REST: variants seen among roughly 807,000 people sequenced by gnomAD.
REST encodes the protein RE1 silencing transcription factor.
Under a neutral mutation model 30.4 loss-of-function variants are expected in REST, and 1 was observed. That is an observed-to-expected ratio of 0.03 (90% CI 0.01 to 0.16). The LOEUF (loss-of-function observed/expected upper bound fraction) is 0.16. Among genes scored for constraint, REST ranks in the 10% least tolerant of loss-of-function variants. REST has a pLI of 1.00. For synonymous variants in REST, 504 were observed against 451.1 expected (o/e 1.12, Z -1.49); for missense variants, 1,259 against 1,329.5 (o/e 0.95, Z 0.82).
intron 3 of REST, among the ~76,000 whole-genome samples, chr4:56,924,693 G>A (rs1043246056): frequency 6.6e-6 from 1 of 151,714 alleles, no homozygotes; most frequent in African/African-American, 2.4e-5. Flanking sequence ...GAACTCCTGG[G>A]CTCAAGCGAT....
chr4:56,908,602 C>A (rs958677179), intron 1 of REST, among the ~76,000 whole-genome samples: 3 of 152,082 alleles, frequency 2.0e-5, no homozygotes, highest in Non-Finnish European at 4.4e-5. Context: ...CCCCCGGGTC[C>A]CACCGCAGCC....
intron 3 of REST, among the ~76,000 whole-genome samples, chr4:56,921,607 G>A (rs1464870910): frequency 2.6e-5 from 4 of 151,702 alleles, no homozygotes; most frequent in East Asian, 2.0e-4. Flanking sequence ...ATGGGGTTTC[G>A]CCATGTTGGT....
At chr4:56,913,978 C>T (rs1379811021) in intron 2 of REST, among the ~76,000 whole-genome samples, 1 of 150,796 alleles carries the variant, frequency 6.6e-6, no homozygotes, top group Non-Finnish European at 1.5e-5. Context: ...CTTTGTCACC[C>T]ATCCTGGAGT....
chr4:56,908,898 T>C (rs6835138), intron 1 of REST: 105,732 of 151,202 alleles, frequency 0.7, 37,194 homozygotes, highest in African/African-American at 0.78. Flanking sequence ...GGCTGGCCCG[T>C]GTGGGGGCCC....
At chr4:56,918,981 C>CTTTT (rs1296441743) in intron 2 of REST, among the ~76,000 whole-genome samples, 2 of 148,046 alleles carry the variant, frequency 1.4e-5, no homozygotes, top group African/African-American at 2.5e-5. Flanking sequence ...TCAGCCCAGG[C>CTTTT]TATTTTTTTT....
Position 56,930,145 on chromosome 4 carries a change from A to C in REST, c.1287A>C (p.Lys429Asn). 1 of 1,613,576 alleles carries C rather than the reference A, an allele frequency of 6.2e-7. No individual in the cohort carries two copies. The highest frequency in any genetic ancestry group is 8.5e-7 in the Non-Finnish European group (1 of 1,179,918). Residue 429 changes from lysine (K) to asparagine (N), a missense_variant, in exon 4 of 4, where the codon AAA becomes AAC. Coordinates refer to ENST00000309042, the MANE Select transcript of REST (RefSeq NM_005612.5). ...ATGTCTCAAAAGTGAAACTAAAGAA[A>C]ACCAAAAAACGAGAGGCTGACTTGC... is the stretch of plus-strand genomic sequence containing the variant. ...TMDVSKVKLK[K>N]TKKREADLPD... is the part of the protein sequence containing the mutation.
chr4:56,926,953 A>G (rs1442622104), intron 3 of REST, among the ~76,000 whole-genome samples: 1 of 151,942 alleles, frequency 6.6e-6, no homozygotes, highest in Non-Finnish European at 1.5e-5. Flanking sequence ...AAAATTAGCC[A>G]GGCTTAGTGG....
chr4:56,930,761 G>C lies in REST; in HGVS notation c.1903G>C (p.Glu635Gln). 1 of 1,604,526 alleles carries C rather than the reference G, an allele frequency of 6.2e-7. No individual in the cohort carries two copies. Among genetic ancestry groups the C allele is most frequent in the South Asian group, 1.1e-5 (1 of 89,932 alleles). ...PVQVEPPPPM[E>Q]HAQMEGAQIR... is the part of the protein sequence containing the mutation. ...TCAGGTGGAGCCGCCACCTCCCATG[G>C]AGCATGCTCAGATGGAGGGTGCCCA... The change falls in exon 4 of 4, where the codon GAG becomes CAG. Residue 635 changes from glutamate (E) to glutamine (Q), a missense_variant. Coordinates refer to ENST00000309042, the MANE Select transcript of REST (RefSeq NM_005612.5).
rs529390824 is a variant in REST at position 56,931,784 on chromosome 4, C to A, written c.2926C>A (p.Pro976Thr). 12 of 1,614,074 alleles carry A rather than the reference C, an allele frequency of 7.4e-6. No homozygotes were observed. In the Admixed American group the frequency reaches 8.3e-5, roughly 11 times the overall value. ...VEEPVSPMLP[P>T]SAVEEREAVS... The stretch of plus-strand genomic sequence containing the variant: ...AGAACCAGTTTCACCAATGCTTCCC[C>A]CTTCAGCAGTAGAAGAACGTGAAGC... The change falls in exon 4 of 4, where the codon CCT becomes ACT. Residue 976 changes from proline (P) to threonine (T), a missense_variant. Coordinates refer to ENST00000309042, the MANE Select transcript of REST (RefSeq NM_005612.5).
At position 56,931,900 on chromosome 4, in the gene REST, T is replaced by G. The variant is rs767890078; in HGVS notation, c.3042T>G (p.His1014Gln). The change falls in exon 4 of 4, where the codon CAT (histidine) becomes CAG (glutamine). Residue 1014 changes from histidine (H) to glutamine (Q), a missense_variant. Around this residue, in one of 5 missense-constraint regions of REST, gnomAD observed 856 missense variants for 772.8 expected, o/e 1.11. Transcript: ENST00000309042. ...ATGAAGATGAAGGCATCCACAGCCATGAAGGAAGTGACCTAAGTGACAACA... is the reference window on the plus strand; with the variant it reads ...ATGAAGATGAAGGCATCCACAGCCAGGAAGGAAGTGACCTAAGTGACAACA... ...EIDEDEGIHS[H>Q]EGSDLSDNMS... The G allele has an allele frequency of 6.2e-7, 1 of 1,614,176 alleles. No homozygotes were observed. Among genetic ancestry groups the G allele is most frequent in the Non-Finnish European group, 8.5e-7 (1 of 1,180,040 alleles).
Position 56,908,070 on chromosome 4 carries a change from G to T in REST, c.-153G>T. 1 of 352,948 alleles carries T rather than the reference G, an allele frequency of 2.8e-6. No homozygotes were observed. The highest frequency in any genetic ancestry group is 1.4e-4 in the South Asian group (1 of 7,208). The allele number at this position is 352,948 out of a possible 1,614,324, so 21.9% of individuals were successfully genotyped here. ...GAGCACCCTCTGCAGCCCCACTCCT[G>T]GGCCTTCTTGGTCCACGACGGCCCC... On this transcript the variant is annotated 5_prime_UTR_variant, in exon 1 of 4. Coordinates refer to ENST00000309042, the MANE Select transcript of REST (RefSeq NM_005612.5).
intron 2 of REST, among the ~76,000 whole-genome samples, chr4:56,912,543 C>G (rs1719981855): frequency 6.6e-6 from 1 of 151,146 alleles, no homozygotes; most frequent in African/African-American, 2.4e-5. Flanking sequence ...GAGACGGAGT[C>G]TGGCTCTGTT....
Position 56,934,957 on chromosome 4 carries a change from T to G in REST, c.*2805T>G, listed in dbSNP as rs552158151. 1.7e-4 allele frequency: 26 copies of G among 152,188 alleles called. No individual in the cohort carries two copies. The highest frequency in any genetic ancestry group is 6.2e-4 in the South Asian group (3 of 4,826). 9.4% of individuals were successfully genotyped at this position (152,188 alleles called of 1,614,324 possible). A position where few individuals can be genotyped will look rare whatever the true frequency, so the allele number is the denominator to read the frequency against. On this transcript the variant is annotated 3_prime_UTR_variant, in exon 4 of 4. Coordinates refer to ENST00000309042, the MANE Select transcript of REST (RefSeq NM_005612.5). ...ATTTTTTCCTCTTTTCAGAGCTGCT[T>G]CTTATTCTGGGGCTACTTTTTTTTT...
chr4:56,914,499 TAA>T (rs1345792566), intron 2 of REST, among the ~76,000 whole-genome samples: 1 of 152,166 alleles, frequency 6.6e-6, no homozygotes, highest in Non-Finnish European at 1.5e-5. Context: ...ATTTCAGAAG[TAA>T]AGGTCAAGCA....
chr4:56,917,943 T>TTTGGGAGGC (rs1355878275), intron 2 of REST, among the ~76,000 whole-genome samples: 2 of 150,588 alleles, frequency 1.3e-5, no homozygotes, highest in African/African-American at 4.9e-5. Context: ...TCCCAGCTAC[T>TTTGGGAGGC]CAGGAGGCTG....
intron 2 of REST, among the ~76,000 whole-genome samples, chr4:56,918,647 C>G (rs1345527532): frequency 6.6e-6 from 1 of 152,120 alleles, no homozygotes; most frequent in Non-Finnish European, 1.5e-5. Context: ...CAGCCTCAAA[C>G]TCTGGGCTCA....
rs771308736 is a variant in REST, at chr4:56,911,099, C to T, written c.461C>T (p.Ser154Leu). 26 of 1,614,016 alleles carry T rather than the reference C, an allele frequency of 1.6e-5. No homozygotes were observed. The highest frequency in any genetic ancestry group is 2.1e-5 in the Non-Finnish European group (25 of 1,180,048). Residue 154 changes from serine (S) to leucine (L), a missense_variant, in exon 2 of 4, where the codon TCG becomes TTG. Ser to Leu is a moderately radical substitution (Grantham distance 145). Around this residue, in one of 5 missense-constraint regions of REST, gnomAD observed 249 missense variants for 251.5 expected, o/e 0.99. Transcript: ENST00000309042. ...TPGAEDKGKS[S>L]KTKPFRCKPC... ...GGAGCGGAGGACAAAGGCAAGAGCT[C>T]GAAGACCAAACCCTTTCGCTGTAAG... is the stretch of plus-strand genomic sequence containing the variant.
At position 56,931,322 on chromosome 4, in the gene REST, G is replaced by A; in HGVS notation, c.2464G>A (p.Glu822Lys). Residue 822 changes from glutamate (E) to lysine (K), a missense_variant, in exon 4 of 4, where the codon GAA becomes AAA. Glu to Lys is a moderately conservative substitution (Grantham distance 56). Coordinates refer to ENST00000309042, the MANE Select transcript of REST (RefSeq NM_005612.5). ...GCCTCCTCTCCGAAAAGATAAAAAG[G>A]AAAAGTCTAACATGCAGAGTGAAAG... ...KKPPLRKDKKEKSNMQSERAR... is the reference protein window; with the variant it reads ...KKPPLRKDKKKKSNMQSERAR... 1 of 1,614,264 alleles carries A rather than the reference G, an allele frequency of 6.2e-7. No individual in the cohort carries two copies.
chr4:56,920,716 C>T (rs1312011882), intron 3 of REST, among the ~76,000 whole-genome samples: 3 of 151,948 alleles, frequency 2.0e-5, no homozygotes, highest in Non-Finnish European at 1.5e-5. Flanking sequence ...GCCGAGATCA[C>T]GCCATCAAGA....
Sources: allele counts gnomAD v4.1 joint callset (sites outside exome capture counted in the v4.1 genomes callset), GRCh38; gene constraint gnomAD v4.1.1; regional missense constraint gnomAD v4.1.1; transcripts MANE v1.5; gene names NCBI Gene and HGNC (gene_info 2026-07-23, HGNC 2026-07-21).